Variants in SAMD5 observed in about 807,000 individuals in gnomAD.
The protein encoded by SAMD5 is sterile alpha motif domain containing 5.
Under a neutral mutation model 11.3 loss-of-function variants are expected in SAMD5, and 13 were observed. The observed-to-expected ratio is 1.15, with a 90% confidence interval of 0.75 to 1.83. The LOEUF (loss-of-function observed/expected upper bound fraction) is 1.83. Among genes scored for constraint, SAMD5 ranks in the 40% most tolerant of loss-of-function variants. The pLI is 0.00. For synonymous variants in SAMD5, 129 were observed against 111.3 expected, an observed-to-expected ratio of 1.16 and a Z score of -1.00; for missense variants, 255 against 239.1, an observed-to-expected ratio of 1.07 and a Z score of -0.44.
intron 1 of SAMD5, among the ~76,000 whole-genome samples, chr6:147,549,917 C>A (rs1788742423): frequency 6.6e-6 from 1 of 151,028 alleles, no homozygotes; most frequent in African/African-American, 2.4e-5. Context: ...TCTCCCTTCC[C>A]CCATTAATCC....
intron 1 of SAMD5, among the ~76,000 whole-genome samples, chr6:147,636,788 A>T (rs1562339469): frequency 6.6e-6 from 1 of 152,206 alleles, no homozygotes; most frequent in African/African-American, 2.4e-5. Flanking sequence ...ACTCAGTTTG[A>T]TCTAAACCCT....
rs565614003 is a variant in SAMD5, at chr6:147,616,325, T to G, written c.162+106938T>G. Among the ~76,000 whole-genome samples, 518 of 148,476 alleles carry G rather than the reference T, an allele frequency of 3.5e-3. 40 individuals are homozygous for G. The highest frequency in any genetic ancestry group is 0.012 in the African/African-American group (499 of 40,460). ...TTCATATATATTTATTCATATATAC[T>G]TCATATATATTTCATATAATGAAAT... On this transcript the variant is annotated intron_variant, in intron 1 of 1. Coordinates refer to the SAMD5 transcript ENST00000566741.
the SAMD5 span, among the ~76,000 whole-genome samples, chr6:147,925,232 C>G: frequency 6.6e-6 from 1 of 152,106 alleles, no homozygotes; most frequent in African/African-American, 2.4e-5. Flanking sequence ...AACTTGCTCA[C>G]TCTCTCTCTG....
chr6:147,942,767 C>T, the SAMD5 span, among the ~76,000 whole-genome samples: 1 of 151,098 alleles, frequency 6.6e-6, no homozygotes, highest in Non-Finnish European at 1.5e-5. Context: ...AATCTAAATA[C>T]TGGGAATAGC....
At chr6:147,650,084 C>T (rs1790462640) in intron 1 of SAMD5, among the ~76,000 whole-genome samples, 1 of 152,306 alleles carries the variant, frequency 6.6e-6, no homozygotes, top group South Asian at 2.1e-4. Context: ...TCCCAGGCAC[C>T]TTGAACTAGT....
At chr6:147,580,331 G>C (rs372918946) in intron 1 of SAMD5, among the ~76,000 whole-genome samples, 121 of 152,278 alleles carry the variant, frequency 7.9e-4, no homozygotes, top group Admixed American at 1.9e-3. Context: ...AACATCCCCT[G>C]ACACCTCTTA....
intron 1 of SAMD5, among the ~76,000 whole-genome samples, chr6:147,602,960 T>C (rs1255204484): frequency 5.3e-5 from 8 of 152,176 alleles, no homozygotes; most frequent in Non-Finnish European, 1.5e-5. Flanking sequence ...AGGGGCTACA[T>C]TATTTGAAGT....
At chr6:147,766,798 C>T in the SAMD5 span, among the ~76,000 whole-genome samples, 9 of 151,702 alleles carry the variant, frequency 5.9e-5, no homozygotes, top group African/African-American at 1.5e-4. Context: ...TCTATTAGAG[C>T]GGGAAGGTAA....
intron 1 of SAMD5, among the ~76,000 whole-genome samples, chr6:147,517,409 G>C (rs189007718): frequency 2.1e-4 from 32 of 152,204 alleles, no homozygotes; most frequent in Admixed American, 2.0e-3. Flanking sequence ...GGTTTGCTTG[G>C]ACATCTCAGC....
rs532632209 is a variant in SAMD5 at position 147,568,922 on chromosome 6, T to C, written c.*4466T>C. 1.3e-4 allele frequency: 126 copies of C among 978,474 alleles called. No individual in the cohort carries two copies. In the African/African-American group the frequency reaches 2.1e-3, roughly 17 times the overall value. 60.6% of individuals were successfully genotyped at this position (978,474 alleles called of 1,614,324 possible). A position where few individuals can be genotyped will look rare whatever the true frequency, so the allele number is the denominator to read the frequency against. On this transcript the variant is annotated 3_prime_UTR_variant, in exon 2 of 2. Coordinates refer to ENST00000367474, the MANE Select transcript of SAMD5 (RefSeq NM_001030060.3). ...TAAAAGGCTTAAAGGGAAAAAAAAA[T>C]GGTAGGTAGTTCAGAAAAAAATGGC...
At chr6:147,810,669 T>C in the SAMD5 span, among the ~76,000 whole-genome samples, 1 of 152,250 alleles carries the variant, frequency 6.6e-6, no homozygotes, top group Non-Finnish European at 1.5e-5. Flanking sequence ...TGGCAGGTCT[T>C]AGCACAATTA....
the SAMD5 span, among the ~76,000 whole-genome samples, chr6:147,771,399 C>T: frequency 5.9e-5 from 9 of 152,244 alleles, no homozygotes; most frequent in Middle Eastern, 3.4e-3. Flanking sequence ...ATCCCCTTTC[C>T]GGAAGCGGTA....
chr6:147,665,354 C>G (rs939508671), intron 1 of SAMD5, among the ~76,000 whole-genome samples: 2 of 152,100 alleles, frequency 1.3e-5, no homozygotes, highest in African/African-American at 4.8e-5. Context: ...CTAATGAAAA[C>G]TTGTTATGTC....
At chr6:147,888,074 T>A in the SAMD5 span, among the ~76,000 whole-genome samples, 2 of 152,214 alleles carry the variant, frequency 1.3e-5, no homozygotes, top group Admixed American at 1.3e-4. Context: ...AACATGGGAT[T>A]TGTAAATCCC....
the SAMD5 span, among the ~76,000 whole-genome samples, chr6:147,947,860 C>T: frequency 6.6e-6 from 1 of 152,034 alleles, no homozygotes; most frequent in Admixed American, 6.6e-5. Context: ...GCCCTCCATT[C>T]AGATTTTGAT....
rs1791573916 is a variant in SAMD5, at chr6:147,722,781, C to T, written c.163-14536C>T. On this transcript the variant is annotated intron_variant, in intron 1 of 1. Transcript: ENST00000566741. ...GTGTATAAAATAACAGAAGAGACTGCACTCAATAGTATTAACACCTAGAAA... is the reference window on the plus strand; with the variant it reads ...GTGTATAAAATAACAGAAGAGACTGTACTCAATAGTATTAACACCTAGAAA... Among the ~76,000 whole-genome samples, 4 of 152,308 alleles carry T rather than the reference C, an allele frequency of 2.6e-5. No individual in the cohort carries two copies. In the South Asian group the frequency reaches 6.2e-4, roughly 24 times the overall value.
chr6:147,675,327 A>G (rs11961888), intron 1 of SAMD5, among the ~76,000 whole-genome samples: 2 of 152,184 alleles, frequency 1.3e-5, no homozygotes, highest in Admixed American at 1.3e-4. Flanking sequence ...TTGTAACCAC[A>G]AGTAAGCTCT....
the SAMD5 span, among the ~76,000 whole-genome samples, chr6:147,877,944 T>TTTTTTTTTTCTTTTTG: frequency 0.097 from 9,423 of 97,386 alleles, 817 homozygotes; most frequent in Middle Eastern, 0.14. Context: ...GATAGATAGA[T>TTTTTTTTTTCTTTTTG]AGACTCTGTC....
the SAMD5 span, among the ~76,000 whole-genome samples, chr6:147,847,590 C>G: frequency 6.6e-6 from 1 of 152,150 alleles, no homozygotes; most frequent in Non-Finnish European, 1.5e-5. Context: ...TGTTGCCTCA[C>G]GCCTGTAATC....
Sources: allele counts gnomAD v4.1 joint callset (sites outside exome capture counted in the v4.1 genomes callset), GRCh38; gene constraint gnomAD v4.1.1; transcripts MANE v1.5; gene names NCBI Gene and HGNC (gene_info 2026-07-23, HGNC 2026-07-21).